The following SIDT1 variants were observed in gnomAD, a reference collection of about 807,000 sequenced individuals.
SIDT1 encodes SID1 transmembrane family member 1, also known as SID1 transmembrane family, member 1.
A neutral mutation model predicts 107.5 loss-of-function variants in SIDT1; 101 were observed. That is an observed-to-expected ratio of 0.94 (90% CI 0.80 to 1.11). The LOEUF (loss-of-function observed/expected upper bound fraction) is 1.11, where lower values mean the gene tolerates loss of function less well. Among genes scored for constraint, SIDT1 ranks in the 50% least tolerant of loss-of-function variants. SIDT1 has a pLI of 0.00. For synonymous variants in SIDT1, 395 were observed against 398.2 expected, an observed-to-expected ratio of 0.99 and a Z score of 0.10; for missense variants, 1,076 against 1,058.2, an observed-to-expected ratio of 1.02 and a Z score of -0.23.
At chr3:113,560,411 C>T (rs915805520) in intron 1 of SIDT1, among the ~76,000 whole-genome samples, 5 of 152,218 alleles carry the variant, frequency 3.3e-5, no homozygotes, top group Non-Finnish European at 7.3e-5. Flanking sequence ...CTCGAGGGCA[C>T]AGTTGCCTTT....
At chr3:113,620,192 ATGTG>A (rs3085042) in intron 21 of SIDT1, among the ~76,000 whole-genome samples, 1,591 of 144,628 alleles carry the variant, frequency 0.011, 19 homozygotes, top group African/African-American at 0.018. Flanking sequence ...CTTTTACTAA[ATGTG>A]TGTGTGTGTG....
intron 1 of SIDT1, among the ~76,000 whole-genome samples, chr3:113,552,015 C>T (rs1325590764): frequency 6.6e-6 from 1 of 152,116 alleles, no homozygotes; most frequent in Non-Finnish European, 1.5e-5. Flanking sequence ...GAAGATAAGC[C>T]ATGACAAACA....
At chr3:113,603,588 T>A (rs1475934577) in intron 12 of SIDT1, among the ~76,000 whole-genome samples, 1 of 152,194 alleles carries the variant, frequency 6.6e-6, no homozygotes, top group Non-Finnish European at 1.5e-5. Flanking sequence ...AACGTACAGT[T>A]TCAGCCCTAT....
At chr3:113,632,160 C>T (rs1201128205), downstream of SIDT1, among the ~76,000 whole-genome samples, 1 of 152,050 alleles carries the variant, frequency 6.6e-6, no homozygotes, top group African/African-American at 2.4e-5. Flanking sequence ...ATTATAGTTA[C>T]AATTTAGAAA....
intron 1 of SIDT1, among the ~76,000 whole-genome samples, chr3:113,563,212 C>T (rs928036490): frequency 2.0e-5 from 3 of 152,190 alleles, no homozygotes; most frequent in African/African-American, 7.2e-5. Context: ...AGGGATTCAA[C>T]TCCGTGGAGA....
chr3:113,602,869 G>C (rs1193006415), intron 11 of SIDT1, 136 bp from the exon 12 acceptor site: 1 of 808,710 alleles, frequency 1.2e-6, no homozygotes, highest in African/African-American at 1.7e-5. Context: ...GAAAGAACAG[G>C]TCTTGTGAAT....
rs6779673 is a variant in SIDT1, at chr3:113,606,882, A to G, written c.1405-159A>G. On this transcript the variant is annotated intron_variant, in intron 14 of 24. Coordinates refer to ENST00000264852, the MANE Select transcript of SIDT1 (RefSeq NM_017699.3). ...TGTAAAAAAAGTGCCTGTGCTGTGT[A>G]AGGTGGCAGATAATGGCCCATCTGT... 8.0e-3 allele frequency: 4,429 copies of G among 553,560 alleles called. 137 individuals are homozygous for G. The highest frequency in any genetic ancestry group is 0.073 in the African/African-American group (3,959 of 53,908). The allele number at this position is 553,560 out of a possible 1,614,324, so 34.3% of individuals were successfully genotyped here.
At chr3:113,557,885 G>T (rs7637206) in intron 1 of SIDT1, among the ~76,000 whole-genome samples, 8 of 152,000 alleles carry the variant, frequency 5.3e-5, no homozygotes, top group Non-Finnish European at 1.0e-4. Flanking sequence ...TCTTTTCCAG[G>T]GCAGAGAAAT....
At chr3:113,573,400 C>T (rs188286115) in intron 3 of SIDT1, among the ~76,000 whole-genome samples, 5 of 152,228 alleles carry the variant, frequency 3.3e-5, no homozygotes, top group Admixed American at 1.3e-4. Flanking sequence ...CATTGTAAAA[C>T]GAGTTGATCA....
Position 113,613,495 on chromosome 3 carries a change from A to C in SIDT1, c.1966+1301A>C, listed in dbSNP as rs750272004. On this transcript the variant is annotated intron_variant, in intron 19 of 24. Coordinates refer to ENST00000264852, the MANE Select transcript of SIDT1 (RefSeq NM_017699.3). ...TTAAGACTAGAAGACCAAATAGAGC[A>C]ATTGCTCGTTTTCAAAGGTTAATTC... Among the ~76,000 whole-genome samples, 84 of 152,232 alleles carry C rather than the reference A, an allele frequency of 5.5e-4. 1 individual carries two copies. Among genetic ancestry groups the C allele is most frequent in the Non-Finnish European group, 2.5e-4 (17 of 68,040 alleles).
rs761614053 is a variant in SIDT1, at chr3:113,611,083, C to A, written c.1796C>A (p.Ala599Asp). ...LYQTRHPDIN[A>D]SAYSAYASFA... ...CAGACCCGCCACCCAGACATCAATGCCAGCGCCTACTCTGCCTATGCCTCC... is the reference window on the plus strand; with the variant it reads ...CAGACCCGCCACCCAGACATCAATGACAGCGCCTACTCTGCCTATGCCTCC... Residue 599 changes from alanine to aspartate, a missense_variant, in exon 18 of 25, where the codon GCC (alanine) becomes GAC (aspartate). Physicochemically the swap from Ala to Asp is moderately radical, Grantham distance 126 (BLOSUM62 -2). Coordinates refer to ENST00000264852, the MANE Select transcript of SIDT1 (RefSeq NM_017699.3). The A allele has an allele frequency of 2.5e-6, 4 of 1,614,152 alleles. No individual in the cohort carries two copies. The highest frequency in any genetic ancestry group is 4.5e-5 in the East Asian group (2 of 44,882).
the SIDT1 span, among the ~76,000 whole-genome samples, chr3:113,635,264 G>A: frequency 2.0e-5 from 3 of 152,188 alleles, no homozygotes; most frequent in Non-Finnish European, 4.4e-5. Context: ...CGGAGGCCAA[G>A]GCAGGAGGAC....
At chr3:113,592,807 T>C (rs1217961417) in intron 9 of SIDT1, 198 bp from the exon 10 acceptor site, 33 of 534,466 alleles carry the variant, frequency 6.2e-5, no homozygotes, top group Middle Eastern at 5.8e-4. Context: ...AGGCTGGTCT[T>C]GAACTCCTGA....
chr3:113,545,637 C>T (rs902101680), intron 1 of SIDT1, among the ~76,000 whole-genome samples: 2 of 152,240 alleles, frequency 1.3e-5, no homozygotes, highest in Admixed American at 6.5e-5. Flanking sequence ...CCTGTTCCAT[C>T]ATCCAGATTA....
chr3:113,605,067 A>T, intron 14 of SIDT1, 91 bp downstream of exon 14: 1 of 1,376,552 alleles, frequency 7.3e-7, no homozygotes. Flanking sequence ...GGTACAACTT[A>T]GGATCCATTC....
downstream of SIDT1, among the ~76,000 whole-genome samples, chr3:113,631,086 GA>G (rs35237923): frequency 0.38 from 57,028 of 151,216 alleles, 10,755 homozygotes; most frequent in African/African-American, 0.45. Flanking sequence ...CAACTGAGAT[GA>G]AAAAAAAATG....
Position 113,567,609 on chromosome 3 carries a change from G to T in SIDT1, c.414G>T (p.Thr138=), listed in dbSNP as rs367692899. 7 of 1,614,098 alleles carry T rather than the reference G, an allele frequency of 4.3e-6. No homozygotes were observed. Among genetic ancestry groups the T allele is most frequent in the Non-Finnish European group, 5.9e-6 (7 of 1,180,000 alleles). ...GTCCCTCAGAAGCAACCAATGAGAC[G>T]GGACCCTTGCAGCAACTGATATTTG... The part of the protein sequence containing the change: ...TLCPSEATNE[T]GPLQQLIFVD... Residue 138 remains threonine (T), a synonymous_variant, in exon 3 of 25, where the codon ACG becomes ACT. Coordinates refer to ENST00000264852, the MANE Select transcript of SIDT1 (RefSeq NM_017699.3).
chr3:113,618,636 T>A (rs1946262276), intron 20 of SIDT1, among the ~76,000 whole-genome samples: 2 of 152,224 alleles, frequency 1.3e-5, no homozygotes, highest in African/African-American at 4.8e-5. Context: ...TTAATTTTTT[T>A]AATGAAGTTA....
intron 10 of SIDT1, among the ~76,000 whole-genome samples, chr3:113,593,438 G>T (rs934579936): frequency 9.9e-5 from 15 of 152,176 alleles, no homozygotes; most frequent in African/African-American, 3.4e-4. Context: ...TGCTCCTTAT[G>T]AGAATCTAAT....
Sources: gnomAD v4.1 joint callset for allele counts (sites outside exome capture counted in the v4.1 genomes callset) on GRCh38, gnomAD v4.1.1 for gene constraint, MANE v1.5 for transcripts, NCBI Gene and HGNC (gene_info 2026-07-23, HGNC 2026-07-21) for gene names.